Variants in CSNK1A1L observed in about 807,000 individuals in gnomAD.
The protein encoded by CSNK1A1L is casein kinase 1 alpha 1 like.
In CSNK1A1L, 20 loss-of-function variants were observed where a neutral mutation model predicts 24.6. The observed-to-expected ratio is 0.81, with a 90% CI of 0.57 to 1.18. The LOEUF is 1.18. Among genes scored for constraint, CSNK1A1L ranks in the 50% most tolerant of loss-of-function variants. The pLI, the probability that CSNK1A1L is intolerant of heterozygous loss-of-function variation, is 0.00. For synonymous variants in CSNK1A1L, 152 were observed against 154.0 expected, an observed-to-expected ratio of 0.99 and a Z score of 0.09; for missense variants, 414 against 419.0, an observed-to-expected ratio of 0.99 and a Z score of 0.10.
Position 37,104,025 on chromosome 13 carries a change from C to A in CSNK1A1L, c.*218G>T. 1.7e-6 allele frequency: 1 copy of A among 602,894 alleles called. No individual in the cohort carries two copies. Among genetic ancestry groups the A allele is most frequent in the Non-Finnish European group, 2.9e-6 (1 of 344,900 alleles). The allele number at this position is 602,894 out of a possible 1,614,324, so 37.3% of individuals were successfully genotyped here. ...GAAAACCAGACACCACGTTTCACTACCTCAGTTAATATTCACAATTACAGA... is the reference window on the plus strand; with the variant it reads ...GAAAACCAGACACCACGTTTCACTAACTCAGTTAATATTCACAATTACAGA... On this transcript the variant is annotated 3_prime_UTR_variant, in exon 1 of 1. Coordinates refer to ENST00000379800, the MANE Select transcript of CSNK1A1L (RefSeq NM_145203.6).
chr13:37,104,937 CT>C, the CSNK1A1L span: 3 of 1,614,068 alleles, frequency 1.9e-6, no homozygotes, highest in Non-Finnish European at 2.5e-6. Flanking sequence ...CATGGTGAAC[CT>C]TCTTGAACAG....
At position 37,105,575 on chromosome 13, in the gene CSNK1A1L, G is replaced by T; in HGVS notation, c.-319C>A. ...CACAGCGAGTTGGGGCAGCAGTACT[G>T]CTGCCACCGCTACCAACGGCTGTGG... On this transcript the variant is annotated 5_prime_UTR_variant, in exon 1 of 1. Transcript: ENST00000379800. 3.5e-6 allele frequency: 1 copy of T among 285,710 alleles called. No individual in the cohort carries two copies. Among genetic ancestry groups the T allele is most frequent in the Non-Finnish European group, 6.9e-6 (1 of 145,748 alleles). The allele number at this position is 285,710 out of a possible 1,614,324, so 17.7% of individuals were successfully genotyped here.
rs781264924 is a variant in CSNK1A1L at position 37,104,360 on chromosome 13, C to T, written c.897G>A (p.Thr299=). The stretch of plus-strand genomic sequence containing the variant: ...GCTGTGCTGCTTTCTGCTTTAACAT[C>T]GTCCAATCAAATGTGTAGTCATATT... ...NHQYDYTFDW[T]MLKQKAAQQA... is the part of the protein sequence containing the mutation. Residue 299 remains threonine (T), a synonymous_variant, in exon 1 of 1, where the codon ACG becomes ACA. Coordinates refer to ENST00000379800, the MANE Select transcript of CSNK1A1L (RefSeq NM_145203.6). 2.5e-6 allele frequency: 4 copies of T among 1,614,174 alleles called. No individual in the cohort carries two copies. The Admixed American group carries it at 6.7e-5, about 27-fold the overall frequency.
chr13:37,104,616 A>C lies in CSNK1A1L; in HGVS notation c.641T>G (p.Phe214Cys), dbSNP rs373659592. 6.2e-7 allele frequency: 1 copy of C among 1,613,952 alleles called. No individual in the cohort carries two copies. Among genetic ancestry groups the C allele is most frequent in the African/African-American group, 1.3e-5 (1 of 74,860 alleles). Residue 214 changes from phenylalanine (F) to cysteine (C), a missense_variant, in exon 1 of 1, where the codon TTT becomes TGT. Transcript: ENST00000379800. ...MESLGYVFMY[F>C]NRTSLPWQGL... ...TTGCCACGGCAGGCTGGTTCTATTA[A>C]AATACATGAAAACGTAGCCTAAGGA...
At position 37,104,087 on chromosome 13, in the gene CSNK1A1L, C is replaced by T. The variant is rs1370857258; in HGVS notation, c.*156G>A. 5.6e-6 allele frequency: 5 copies of T among 892,608 alleles called. No individual in the cohort carries two copies. In the African/African-American group the frequency reaches 6.7e-5, roughly 12 times the overall value. 55.3% of individuals were successfully genotyped at this position (892,608 alleles called of 1,614,324 possible). A position where few individuals can be genotyped will look rare whatever the true frequency, so the allele number is the denominator to read the frequency against. On this transcript the variant is annotated 3_prime_UTR_variant, in exon 1 of 1. Transcript: ENST00000379800. ...GGGATACAGCATCACCAACGCTCCC[C>T]AGAGTCAGTTTATATTGAAATAAAG... is the stretch of plus-strand genomic sequence containing the variant.
rs765126404 is a variant in CSNK1A1L at position 37,105,634 on chromosome 13, A to G, written c.-378T>C. 16 of 206,902 alleles carry G rather than the reference A, an allele frequency of 7.7e-5. No homozygotes were observed. In the South Asian group the frequency reaches 9.8e-4, roughly 13 times the overall value. 12.8% of individuals were successfully genotyped at this position (206,902 alleles called of 1,614,324 possible). A position where few individuals can be genotyped will look rare whatever the true frequency, so the allele number is the denominator to read the frequency against. On this transcript the variant is annotated 5_prime_UTR_variant, in exon 1 of 1. It removes an upstream start codon present in the reference 5' UTR. Coordinates refer to ENST00000379800, the MANE Select transcript of CSNK1A1L (RefSeq NM_145203.6). ...GCCCGGTCACGCCGCCGGCGCCGCC[A>G]TTTTGTTCCTCCACCTCAGCCAACC...
rs1259532099 is a variant in CSNK1A1L at position 37,104,430 on chromosome 13, T to C, written c.827A>G (p.Tyr276Cys). The C allele has an allele frequency of 6.2e-7, 1 of 1,614,230 alleles. No individual in the cohort carries two copies. The highest frequency in any genetic ancestry group is 2.2e-5 in the East Asian group (1 of 44,878). ...LRFEEVPDYM[Y>C]LRQLFRILFR... Reference sequence around the variant, plus strand: ...AAGAATGCGGAATAGCTGCCTCAGATACATGTAATCTGGGACTTCCTCAAA... The same window carrying C: ...AAGAATGCGGAATAGCTGCCTCAGACACATGTAATCTGGGACTTCCTCAAA... The change falls in exon 1 of 1, where the codon TAT (tyrosine) becomes TGT (cysteine). Residue 276 changes from tyrosine to cysteine, a missense_variant. Transcript: ENST00000379800.
chr13:37,104,228 G>T lies in CSNK1A1L; in HGVS notation c.*15C>A, dbSNP rs911321683. On this transcript the variant is annotated 3_prime_UTR_variant, in exon 1 of 1. Transcript: ENST00000379800. ...TCGAATCATCTGCTCTGCTTCTTCT[G>T]TTCCTCATTCACGCTTAGTTATCTT... 5.0e-6 allele frequency: 8 copies of T among 1,614,156 alleles called. No individual in the cohort carries two copies. Among genetic ancestry groups the T allele is most frequent in the Non-Finnish European group, 5.9e-6 (7 of 1,180,000 alleles).
In CSNK1A1L at chr13:37,104,749, T is replaced by C; in HGVS notation, c.508A>G (p.Arg170Gly). ...LAKKYRDNRT[R>G]QHIPYREDKH... ...TCTTCTCTGTACGGTATGTGTTGCC[T>C]GGTCCTGTTGTCTCTGTACTTTTTG... The change falls in exon 1 of 1, where the codon AGG (arginine) becomes GGG (glycine). Residue 170 changes from arginine to glycine, a missense_variant. Transcript: ENST00000379800. 6.2e-7 allele frequency: 1 copy of C among 1,614,118 alleles called. No individual in the cohort carries two copies.
Position 37,104,941 on chromosome 13 carries a change from T to G in CSNK1A1L, c.316A>C (p.Arg106=). ...AGTACAGTTTTCATGGTGAACCTTC[T>G]TGAACAGAAATTAAAGAGGTCTTCG... ...SLEDLFNFCS[R]RFTMKTVLML... Residue 106 remains arginine, a synonymous_variant, in exon 1 of 1, where the codon AGA becomes CGA. Transcript: ENST00000379800. The G allele has an allele frequency of 6.2e-7, 1 of 1,614,140 alleles. No homozygotes were observed. Among genetic ancestry groups the G allele is most frequent in the African/African-American group, 1.3e-5 (1 of 75,020 alleles).
chr13:37,104,824 C>T lies in CSNK1A1L; in HGVS notation c.433G>A (p.Gly145Ser). ...AACTTATTACAGTGACGCCCAGTAC[C>T]CATCAGGAAGTTATCTGGTTTAATG... The part of the protein sequence containing the change: ...RDIKPDNFLM[G>S]TGRHCNKLFL... The change falls in exon 1 of 1, where the codon GGT becomes AGT. Residue 145 changes from glycine to serine, a missense_variant. Gly to Ser is a moderately conservative substitution (Grantham distance 56, BLOSUM62 0). Coordinates refer to ENST00000379800, the MANE Select transcript of CSNK1A1L (RefSeq NM_145203.6). The T allele has an allele frequency of 3.1e-6, 5 of 1,613,052 alleles. No individual in the cohort carries two copies. Among genetic ancestry groups the T allele is most frequent in the Non-Finnish European group, 4.2e-6 (5 of 1,179,788 alleles).
At position 37,105,397 on chromosome 13, in the gene CSNK1A1L, CG is replaced by C; in HGVS notation, c.-142del. The C allele has an allele frequency of 1.1e-6, 1 of 882,262 alleles. No individual in the cohort carries two copies. Among genetic ancestry groups the C allele is most frequent in the Non-Finnish European group, 1.8e-6 (1 of 570,452 alleles). 54.7% of individuals were successfully genotyped at this position (882,262 alleles called of 1,614,324 possible). Reference sequence around the variant, plus strand: ...CGAGGCGTTTCCCGGTGTTACAGGGCGTGGAGTCAGCCTGATCCCTGCAGCA... The same window carrying C: ...CGAGGCGTTTCCCGGTGTTACAGGGCTGGAGTCAGCCTGATCCCTGCAGCA... On this transcript the variant is annotated 5_prime_UTR_variant, in exon 1 of 1. Transcript: ENST00000379800.
chr13:37,103,752 C>T lies in CSNK1A1L; in HGVS notation c.*491G>A, dbSNP rs1248620453. On this transcript the variant is annotated 3_prime_UTR_variant, in exon 1 of 1. Coordinates refer to ENST00000379800, the MANE Select transcript of CSNK1A1L (RefSeq NM_145203.6). ...GCTGGCTTACAGACAAGAAGCCAAC[C>T]ATTTTAAGAATGCTCTTTATGTGAA... 1 of 165,244 alleles carries T rather than the reference C, an allele frequency of 6.1e-6. No homozygotes were observed. Among genetic ancestry groups the T allele is most frequent in the Non-Finnish European group, 1.3e-5 (1 of 74,998 alleles). 10.2% of individuals were successfully genotyped at this position (165,244 alleles called of 1,614,324 possible).
At position 37,105,220 on chromosome 13, in the gene CSNK1A1L, C is replaced by T; in HGVS notation, c.37G>A (p.Val13Met). ...CGCACCAGTTTGTATTTCCCTCCCA[C>T]AACGAGTTCGGCTTTGGAGCCGCTG... Reference protein sequence around the residue: ...NNSGSKAELVVGGKYKLVRKI... With the variant: ...NNSGSKAELVMGGKYKLVRKI... Residue 13 changes from valine (V) to methionine (M), a missense_variant, in exon 1 of 1, where the codon GTG (valine) becomes ATG (methionine). Physicochemically the swap from Val to Met is conservative, Grantham distance 21. Transcript: ENST00000379800. The T allele has an allele frequency of 6.2e-7, 1 of 1,614,154 alleles. No homozygotes were observed. The highest frequency in any genetic ancestry group is 8.5e-7 in the Non-Finnish European group (1 of 1,180,000).
In CSNK1A1L at chr13:37,103,675, G is replaced by T. The variant is rs2070759988; in HGVS notation, c.*568C>A. 1 of 154,586 alleles carries T rather than the reference G, an allele frequency of 6.5e-6. No individual in the cohort carries two copies. The highest frequency in any genetic ancestry group is 1.4e-5 in the Non-Finnish European group (1 of 69,556). The allele number at this position is 154,586 out of a possible 1,614,324, so 9.6% of individuals were successfully genotyped here. A position where few individuals can be genotyped will look rare whatever the true frequency, so the allele number is the denominator to read the frequency against. On this transcript the variant is annotated 3_prime_UTR_variant, in exon 1 of 1. Coordinates refer to ENST00000379800, the MANE Select transcript of CSNK1A1L (RefSeq NM_145203.6). Reference sequence around the variant, plus strand: ...TTTCTTATGTCTTCACAGGTAAGCAGGCGGAATCTTTCCTATTCTCAAAAC... The same window carrying T: ...TTTCTTATGTCTTCACAGGTAAGCATGCGGAATCTTTCCTATTCTCAAAAC...
Position 37,104,535 on chromosome 13 carries a change from ATCT to A in CSNK1A1L, c.719_721del (p.Lys240del), listed in dbSNP as rs781495035. The A allele has an allele frequency of 2.3e-5, 37 of 1,614,098 alleles. No individual in the cohort carries two copies. In the Admixed American group the frequency reaches 3.0e-4, roughly 13 times the overall value. ...ACATAAAACTTCAACAGGGGTGGACATCTTCTTCTCACTAATCTTTTCATATTT... is the reference window on the plus strand; with the variant it reads ...ACATAAAACTTCAACAGGGGTGGACATCTTCTCACTAATCTTTTCATATTT... On this transcript the variant is annotated inframe_deletion, in exon 1 of 1. Coordinates refer to ENST00000379800, the MANE Select transcript of CSNK1A1L (RefSeq NM_145203.6).
chr13:37,105,242 G>C lies in CSNK1A1L; in HGVS notation c.15C>G (p.Ser5Arg). 1 of 1,613,134 alleles carries C rather than the reference G, an allele frequency of 6.2e-7. No individual in the cohort carries two copies. The highest frequency in any genetic ancestry group is 8.5e-7 in the Non-Finnish European group (1 of 1,179,430). The change falls in exon 1 of 1, where the codon AGC becomes AGG. Residue 5 changes from serine to arginine, a missense_variant. By Grantham distance (110) the Ser-to-Arg change is moderately radical. Coordinates refer to ENST00000379800, the MANE Select transcript of CSNK1A1L (RefSeq NM_145203.6). MTNN[S>R]GSKAELVVGG... ...CCACAACGAGTTCGGCTTTGGAGCC[G>C]CTGTTGTTTGTCATCCTGAGAGGCA...
At position 37,104,511 on chromosome 13, in the gene CSNK1A1L, C is replaced by T. The variant is rs893011528; in HGVS notation, c.746G>A (p.Cys249Tyr). Reference sequence around the variant, plus strand: ...GGCGAATTCTGCAGGAAACCCCTTACATAAAACTTCAACAGGGGTGGACAT... The same window carrying T: ...GGCGAATTCTGCAGGAAACCCCTTATATAAAACTTCAACAGGGGTGGACAT... ...KKMSTPVEVL[C>Y]KGFPAEFAMY... is the part of the protein sequence containing the mutation. The change falls in exon 1 of 1, where the codon TGT becomes TAT. Residue 249 changes from cysteine to tyrosine, a missense_variant. Coordinates refer to ENST00000379800, the MANE Select transcript of CSNK1A1L (RefSeq NM_145203.6). 1.2e-6 allele frequency: 2 copies of T among 1,614,238 alleles called. No homozygotes were observed. Among genetic ancestry groups the T allele is most frequent in the Non-Finnish European group, 1.7e-6 (2 of 1,180,046 alleles).
chr13:37,103,543 T>C lies in CSNK1A1L; in HGVS notation c.*700A>G, dbSNP rs1357494959. On this transcript the variant is annotated 3_prime_UTR_variant, in exon 1 of 1. Transcript: ENST00000379800. ...TGTACATACATGTTCAGTTGTAAGA[T>C]GTTAACTAAATTTCTGTGACAAATA... 3 of 153,334 alleles carry C rather than the reference T, an allele frequency of 2.0e-5. No homozygotes were observed. The East Asian group carries it at 5.8e-4, about 29-fold the overall frequency. The allele number at this position is 153,334 out of a possible 1,614,324, so 9.5% of individuals were successfully genotyped here.
Sources: gnomAD v4.1 joint callset for allele counts on GRCh38, gnomAD v4.1.1 for gene constraint, MANE v1.5 for transcripts, NCBI Gene and HGNC (gene_info 2026-07-23, HGNC 2026-07-21) for gene names.